The following ZNF695 variants were observed in gnomAD, a reference collection of about 807,000 sequenced individuals.
ZNF695 encodes zinc finger protein 695.
Under a neutral mutation model 11.2 loss-of-function variants are expected in ZNF695, and 11 were observed. That is an observed-to-expected ratio of 0.98 (90% CI 0.62 to 1.62). The LOEUF (loss-of-function observed/expected upper bound fraction) is 1.62. ZNF695 is among the 40% of genes most tolerant of loss of function. ZNF695 has a pLI of 0.00. For missense variants in ZNF695, 559 were observed against 590.5 expected (o/e 0.95, Z 0.55); for synonymous variants, 190 against 201.4 (o/e 0.94, Z 0.48).
In ZNF695 at chr1:246,986,919, A is replaced by C. The variant is rs978084238; in HGVS notation, c.*48T>G. 1.3e-6 allele frequency: 2 copies of C among 1,520,290 alleles called. No homozygotes were observed. The highest frequency in any genetic ancestry group is 1.4e-5 in the South Asian group (1 of 73,380). 94.2% of individuals were successfully genotyped at this position (1,520,290 alleles called of 1,614,324 possible). A position where few individuals can be genotyped will look rare whatever the true frequency, so the allele number is the denominator to read the frequency against. On this transcript the variant is annotated 3_prime_UTR_variant, in exon 4 of 4. Coordinates refer to ENST00000339986, the MANE Select transcript of ZNF695 (RefSeq NM_020394.5). The stretch of plus-strand genomic sequence containing the variant: ...AAAATATTCTGCTGTGAAGTTGTGA[A>C]TAGGTATTAAAGACTATGCCATATT...
chr1:246,959,851 C>T (rs561215607), intron 5 of ZNF695, among the ~76,000 whole-genome samples: 4 of 152,286 alleles, frequency 2.6e-5, no homozygotes, highest in African/African-American at 7.2e-5. Context: ...CTCTCCGTGG[C>T]GGTTCTGAAG....
chr1:246,988,975 T>C (rs1299683744), intron 3 of ZNF695, among the ~76,000 whole-genome samples: 1 of 151,640 alleles, frequency 6.6e-6, no homozygotes, highest in Non-Finnish European at 1.5e-5. Flanking sequence ...GCGCCTGTAG[T>C]CCCACCTACT....
Position 247,007,980 on chromosome 1 carries a change from G to C in ZNF695, c.-72C>G. 7.0e-7 allele frequency: 1 copy of C among 1,421,416 alleles called. No homozygotes were observed. 88.1% of individuals were successfully genotyped at this position (1,421,416 alleles called of 1,614,324 possible). ...TACCTGCAGGCCACAGGGCGATGGA[G>C]CCTGCGGCAGTCACCCGGGACTCTC... On this transcript the variant is annotated 5_prime_UTR_variant, in exon 1 of 4. Transcript: ENST00000339986.
intron 1 of ZNF695, among the ~76,000 whole-genome samples, chr1:247,004,150 G>A (rs1247459956): frequency 6.6e-6 from 1 of 152,182 alleles, no homozygotes; most frequent in Non-Finnish European, 1.5e-5. Context: ...GGCGGAGGTT[G>A]CAGTGAGCTG....
chr1:246,988,336 A>T, intron 3 of ZNF695, 81 bp from the exon 4 acceptor site: 2 of 1,077,158 alleles, frequency 1.9e-6, no homozygotes, highest in Non-Finnish European at 2.6e-6. Flanking sequence ...TTATACAAGC[A>T]TATTAGCAAG....
At chr1:246,967,330 T>C (rs1668315187) in intron 5 of ZNF695, 1 of 456,146 alleles carries the variant, frequency 2.2e-6, no homozygotes, top group Non-Finnish European at 4.4e-6. Flanking sequence ...GGACAGCTGT[T>C]AGAAGACTGT....
intron 5 of ZNF695, among the ~76,000 whole-genome samples, chr1:246,961,246 A>G (rs1242849602): frequency 1.3e-5 from 2 of 152,230 alleles, no homozygotes; most frequent in Non-Finnish European, 2.9e-5. Flanking sequence ...CTTCATTAGA[A>G]GTTATATATG....
intron 5 of ZNF695, among the ~76,000 whole-genome samples, chr1:246,947,806 A>G (rs1283586866): frequency 6.6e-6 from 1 of 152,196 alleles, no homozygotes; most frequent in Non-Finnish European, 1.5e-5. Flanking sequence ...ACCATGTACC[A>G]GTATCACAGC....
Position 246,980,157 on chromosome 1 carries a change from C to T in ZNF695, c.390+7968G>A, listed in dbSNP as rs573057593. On this transcript the variant is annotated intron_variant, in intron 4 of 5. Transcript: ENST00000487338. ...TCGCGCCACTGCACTCCAGCCTGGA[C>T]GACAGCCTGGACTCTGTATTTAAAA... 6.3e-4 allele frequency among the ~76,000 whole-genome samples: 56 copies of T among 89,334 alleles called. 1 individual carries two copies. The South Asian group carries it at 8.4e-3, about 13-fold the overall frequency. 58.6% of individuals were successfully genotyped at this position (89,334 alleles called of 152,430 possible). A position where few individuals can be genotyped will look rare whatever the true frequency, so the allele number is the denominator to read the frequency against.
At chr1:247,007,421 G>A (rs1669570698) in intron 1 of ZNF695, among the ~76,000 whole-genome samples, 1 of 151,222 alleles carries the variant, frequency 6.6e-6, no homozygotes, top group African/African-American at 2.4e-5. Context: ...GCTTGAACCT[G>A]GGAGGCAGAG....
chr1:246,955,792 C>A (rs925236764), intron 5 of ZNF695, among the ~76,000 whole-genome samples: 2 of 152,074 alleles, frequency 1.3e-5, no homozygotes, highest in East Asian at 3.9e-4. Context: ...GTCTTCTGGA[C>A]AATGTCCAGC....
intron 4 of ZNF695, among the ~76,000 whole-genome samples, chr1:246,976,777 G>A (rs1378703301): frequency 1.3e-5 from 2 of 151,828 alleles, no homozygotes. Flanking sequence ...CTGGGCGACA[G>A]AGCGAAACTC....
intron 4 of ZNF695, among the ~76,000 whole-genome samples, chr1:246,970,068 G>C (rs1264136590): frequency 6.6e-6 from 1 of 152,178 alleles, no homozygotes; most frequent in Non-Finnish European, 1.5e-5. Context: ...ATCCTTTCCA[G>C]TATTGCTATC....
chr1:246,979,972 C>A (rs1263551167), intron 4 of ZNF695: 1 of 151,314 alleles, frequency 6.6e-6, no homozygotes, highest in Non-Finnish European at 1.5e-5. Flanking sequence ...AGATTGAGAC[C>A]ATCCTGGCTA....
chr1:246,984,869 A>C (rs186833780), downstream of ZNF695, among the ~76,000 whole-genome samples: 16 of 152,360 alleles, frequency 1.1e-4, no homozygotes, highest in African/African-American at 3.8e-4. Context: ...AGATCACATA[A>C]GAAATTCTTC....
At chr1:246,984,740 G>T (rs1002709350), downstream of ZNF695, among the ~76,000 whole-genome samples, 1 of 152,130 alleles carries the variant, frequency 6.6e-6, no homozygotes, top group African/African-American at 2.4e-5. Flanking sequence ...ATGGAAAAAT[G>T]GAAATGTACT....
At chr1:246,952,530 T>C (rs2102999131) in intron 5 of ZNF695, among the ~76,000 whole-genome samples, 1 of 149,318 alleles carries the variant, frequency 6.7e-6, no homozygotes, top group South Asian at 2.1e-4. Context: ...GAATAAATAA[T>C]GTTATGCTTC....
intron 4 of ZNF695, among the ~76,000 whole-genome samples, chr1:246,974,693 G>GA (rs1668513726): frequency 6.6e-6 from 1 of 152,186 alleles, no homozygotes; most frequent in Non-Finnish European, 1.5e-5. Flanking sequence ...AGGGAAAAGG[G>GA]AAAATCAATG....
rs138438173 is a variant in ZNF695 at position 247,005,622 on chromosome 1, G to A, written c.3+2284C>T. Among the ~76,000 whole-genome samples the A allele has an allele frequency of 2.9e-3, 444 of 152,092 alleles. 3 individuals carry two copies. The highest frequency in any genetic ancestry group is 0.01 in the African/African-American group (420 of 41,484). On this transcript the variant is annotated intron_variant, in intron 1 of 3. Transcript: ENST00000339986. ...CAGTTTACTCGGGAGGCTGAGGCAC[G>A]AGAATAGCCTGAGCCCAGGGGATGA...
Sources: gnomAD v4.1 joint callset for allele counts (sites outside exome capture counted in the v4.1 genomes callset) on GRCh38, gnomAD v4.1.1 for gene constraint, MANE v1.5 for transcripts, NCBI Gene and HGNC (gene_info 2026-07-23, HGNC 2026-07-21) for gene names.